HSD17B2: variants seen among roughly 807,000 people sequenced by gnomAD.
HSD17B2 encodes 17-beta-hydroxysteroid dehydrogenase type 2.
A neutral mutation model predicts 26.9 loss-of-function variants in HSD17B2; 32 were observed. That is an observed-to-expected ratio of 1.19 (90% CI 0.90 to 1.60). HSD17B2 has a LOEUF of 1.60. HSD17B2 is among the 40% of genes most tolerant of loss of function. The pLI is 0.00. For missense variants in HSD17B2, 613 were observed against 468.6 expected (o/e 1.31, Z -2.85); for synonymous variants, 246 against 186.7 (o/e 1.32, Z -2.59).
intron 1 of HSD17B2, among the ~76,000 whole-genome samples, chr16:82,038,001 T>C (rs7200873): frequency 1 from 152,028 of 152,338 alleles, 75,860 homozygotes; most frequent in Middle Eastern, 1. Context: ...TTATTTTCTC[T>C]CCTGGATTTC....
At chr16:82,045,524 T>C (rs577094808) in intron 1 of HSD17B2, among the ~76,000 whole-genome samples, 7 of 152,342 alleles carry the variant, frequency 4.6e-5, no homozygotes, top group Middle Eastern at 3.4e-3. Context: ...TTTTTACCTA[T>C]TTTCTATCTT....
At chr16:82,045,668 TCTGA>T (rs543148896) in intron 1 of HSD17B2, among the ~76,000 whole-genome samples, 2 of 152,248 alleles carry the variant, frequency 1.3e-5, no homozygotes, top group Admixed American at 6.5e-5. Flanking sequence ...TCTTTTGCAC[TCTGA>T]CTGTTTCTTG....
At chr16:82,075,475 A>G (rs1171224797) in intron 3 of HSD17B2, among the ~76,000 whole-genome samples, 1 of 152,122 alleles carries the variant, frequency 6.6e-6, no homozygotes, top group African/African-American at 2.4e-5. Context: ...AACAAGACTA[A>G]GAACAAGACT....
intron 1 of HSD17B2, among the ~76,000 whole-genome samples, chr16:82,049,059 A>G (rs1293467951): frequency 6.6e-6 from 1 of 152,172 alleles, no homozygotes; most frequent in Non-Finnish European, 1.5e-5. Context: ...TTTCTGTTCA[A>G]TTACATCTCT....
At chr16:82,062,524 T>C (rs1405661059) in intron 1 of HSD17B2, among the ~76,000 whole-genome samples, 5 of 152,232 alleles carry the variant, frequency 3.3e-5, no homozygotes. Flanking sequence ...ATTTGAATAT[T>C]TTATACCCCA....
intron 3 of HSD17B2, among the ~76,000 whole-genome samples, chr16:82,087,655 G>A (rs921626362): frequency 1.3e-5 from 2 of 152,186 alleles, no homozygotes; most frequent in Non-Finnish European, 1.5e-5. Context: ...CATATGTCAT[G>A]TCTTAGTCTG....
chr16:82,097,504 A>G (rs1904885781), intron 4 of HSD17B2: 1 of 152,044 alleles, frequency 6.6e-6, no homozygotes, highest in Non-Finnish European at 1.5e-5. Flanking sequence ...GGTATGAGCC[A>G]CGGTGCCCAG....
intron 3 of HSD17B2, among the ~76,000 whole-genome samples, chr16:82,086,629 T>G (rs563433160): frequency 2.8e-4 from 43 of 152,302 alleles, no homozygotes; most frequent in Middle Eastern, 3.4e-3. Flanking sequence ...TTCGTGCCTA[T>G]GCTAAGTAAG....
chr16:82,048,805 G>C (rs1327860389), intron 1 of HSD17B2, among the ~76,000 whole-genome samples: 1 of 152,156 alleles, frequency 6.6e-6, no homozygotes, highest in Admixed American at 6.5e-5. Flanking sequence ...TTGGTTATAG[G>C]GTAGTTGTAT....
intron 1 of HSD17B2, among the ~76,000 whole-genome samples, chr16:82,055,735 T>G (rs1424274338): frequency 2.0e-5 from 3 of 152,092 alleles, no homozygotes; most frequent in African/African-American, 7.2e-5. Context: ...GGGAGAGATG[T>G]GGTAAGAATG....
At chr16:82,042,438 C>T (rs1310701518) in intron 1 of HSD17B2, among the ~76,000 whole-genome samples, 1 of 152,150 alleles carries the variant, frequency 6.6e-6, no homozygotes, top group East Asian at 1.9e-4. Flanking sequence ...AAGTTCCATG[C>T]AAACTGGAGC....
intron 1 of HSD17B2, among the ~76,000 whole-genome samples, chr16:82,065,519 AG>A: frequency 6.6e-6 from 1 of 152,348 alleles, no homozygotes; most frequent in South Asian, 2.1e-4. Context: ...ATAATAAGGC[AG>A]AAGCATAAGG....
intron 2 of HSD17B2, among the ~76,000 whole-genome samples, chr16:82,068,722 C>T (rs1269374909): frequency 6.6e-6 from 1 of 152,122 alleles, no homozygotes; most frequent in Non-Finnish European, 1.5e-5. Context: ...AAAAAAAATA[C>T]CTTCATGGTC....
chr16:82,042,884 G>C (rs1378777292), intron 1 of HSD17B2, among the ~76,000 whole-genome samples: 1 of 152,212 alleles, frequency 6.6e-6, no homozygotes, highest in Non-Finnish European at 1.5e-5. Flanking sequence ...GCCTCCCAAA[G>C]TGCTGGCATT....
chr16:82,059,957 G>C (rs1914386269), intron 1 of HSD17B2, among the ~76,000 whole-genome samples: 1 of 152,082 alleles, frequency 6.6e-6, no homozygotes, highest in Non-Finnish European at 1.5e-5. Flanking sequence ...TATTTCCCAA[G>C]GCCTCCTCAC....
chr16:82,059,120 G>A (rs994321222), intron 1 of HSD17B2, among the ~76,000 whole-genome samples: 1 of 152,152 alleles, frequency 6.6e-6, no homozygotes, highest in Non-Finnish European at 1.5e-5. Context: ...GGAGGAAACT[G>A]GAGTTCTCTA....
chr16:82,043,102 T>C (rs1237066393), intron 1 of HSD17B2, among the ~76,000 whole-genome samples: 2 of 152,226 alleles, frequency 1.3e-5, no homozygotes, highest in African/African-American at 4.8e-5. Flanking sequence ...TGTCAGGGCC[T>C]CTGTCTTCTT....
At chr16:82,042,564 A>G (rs1377040744) in intron 1 of HSD17B2, among the ~76,000 whole-genome samples, 1 of 151,978 alleles carries the variant, frequency 6.6e-6, no homozygotes, top group Non-Finnish European at 1.5e-5. Flanking sequence ...TGTGTGTGAA[A>G]TCTCCCATTT....
chr16:82,054,413 T>C (rs1284976409), intron 1 of HSD17B2, among the ~76,000 whole-genome samples: 5 of 152,074 alleles, frequency 3.3e-5, no homozygotes, highest in African/African-American at 1.2e-4. Context: ...GGTGTGATCT[T>C]GGCTCACTGC....
Sources: gnomAD v4.1 joint callset for allele counts (sites outside exome capture counted in the v4.1 genomes callset) on GRCh38, gnomAD v4.1.1 for gene constraint, MANE v1.5 for transcripts, NCBI Gene and HGNC (gene_info 2026-07-23, HGNC 2026-07-21) for gene names.